Variants in LRRC7 observed in about 807,000 individuals in gnomAD.
LRRC7 encodes the protein leucine rich repeat containing 7.
A neutral mutation model predicts 175.7 loss-of-function variants in LRRC7; 23 were observed. That is an observed-to-expected ratio of 0.13 (90% CI 0.09 to 0.19). The LOEUF is 0.19. Among genes scored for constraint, LRRC7 ranks in the 10% least tolerant of loss-of-function variants. The pLI, the probability that LRRC7 is intolerant of heterozygous loss-of-function variation, is 1.00. For synonymous variants in LRRC7, 685 were observed against 680.9 expected (o/e 1.01, Z -0.09); for missense variants, 1,354 against 1,904.7 (o/e 0.71, Z 5.38).
chr1:69,638,711 C>A (rs888858831), intron 1 of LRRC7, among the ~76,000 whole-genome samples: 2 of 151,532 alleles, frequency 1.3e-5, no homozygotes, highest in African/African-American at 4.8e-5. Context: ...TTTTTTGGAA[C>A]CATAGAGATC....
At chr1:69,728,155 T>G (rs975344101) in intron 2 of LRRC7, among the ~76,000 whole-genome samples, 2 of 152,162 alleles carry the variant, frequency 1.3e-5, no homozygotes, top group African/African-American at 4.8e-5. Context: ...ATATTTAAGA[T>G]GTATTAGTGA....
intron 2 of LRRC7, among the ~76,000 whole-genome samples, chr1:69,705,045 C>A (rs1198400168): frequency 6.6e-6 from 1 of 152,044 alleles, no homozygotes; most frequent in Non-Finnish European, 1.5e-5. Flanking sequence ...AAAATTATTT[C>A]TGTAAAATGT....
intron 4 of LRRC7, among the ~76,000 whole-genome samples, chr1:69,800,913 T>C (rs539979679): frequency 4.6e-5 from 7 of 151,992 alleles, no homozygotes; most frequent in Non-Finnish European, 1.0e-4. Flanking sequence ...GTTCTTTCTA[T>C]GCCTAGTTTG....
chr1:69,932,042 G>A (rs923529920), intron 8 of LRRC7, among the ~76,000 whole-genome samples: 4 of 152,152 alleles, frequency 2.6e-5, no homozygotes, highest in African/African-American at 9.7e-5. Flanking sequence ...TATTGAAAGC[G>A]TCTTTCTAGT....
intron 8 of LRRC7, among the ~76,000 whole-genome samples, chr1:69,953,691 A>G (rs188279373): frequency 8.3e-4 from 126 of 152,142 alleles, no homozygotes; most frequent in Middle Eastern, 3.4e-3. Context: ...AACCAACTGC[A>G]CTAACTAGGA....
At chr1:69,824,964 T>C (rs1483893276) in intron 4 of LRRC7, among the ~76,000 whole-genome samples, 1 of 152,172 alleles carries the variant, frequency 6.6e-6, no homozygotes, top group Non-Finnish European at 1.5e-5. Context: ...GATTGAAATG[T>C]CCCCCACATC....
At chr1:69,791,356 A>T (rs1569895969) in intron 3 of LRRC7, among the ~76,000 whole-genome samples, 3 of 152,012 alleles carry the variant, frequency 2.0e-5, no homozygotes, top group African/African-American at 7.2e-5. Flanking sequence ...AATAATTCAC[A>T]CTTTAAAGAA....
chr1:70,099,789 A>G (rs916215664), intron 25 of LRRC7, among the ~76,000 whole-genome samples: 4 of 152,164 alleles, frequency 2.6e-5, no homozygotes, highest in African/African-American at 9.7e-5. Context: ...AGCTGAGAGA[A>G]AAAGCCATTA....
intron 17 of LRRC7, among the ~76,000 whole-genome samples, chr1:70,027,854 T>G (rs1348989361): frequency 1.3e-5 from 2 of 152,188 alleles, no homozygotes; most frequent in Non-Finnish European, 1.5e-5. Flanking sequence ...ACAGCTGCTA[T>G]AACTTGATTA....
intron 1 of LRRC7, among the ~76,000 whole-genome samples, chr1:69,599,055 A>G (rs991650973): frequency 6.6e-6 from 1 of 152,200 alleles, no homozygotes; most frequent in Non-Finnish European, 1.5e-5. Flanking sequence ...CCTATAAAGT[A>G]GAAAAAAGAA....
At chr1:69,590,120 T>C (rs1320958429) in intron 1 of LRRC7, among the ~76,000 whole-genome samples, 1 of 151,996 alleles carries the variant, frequency 6.6e-6, no homozygotes, top group East Asian at 1.9e-4. Flanking sequence ...CTGTTCATAA[T>C]ATTATTAGTA....
intron 24 of LRRC7, among the ~76,000 whole-genome samples, chr1:70,081,106 C>T (rs1663177970): frequency 6.6e-6 from 1 of 152,198 alleles, no homozygotes; most frequent in Non-Finnish European, 1.5e-5. Flanking sequence ...CTGCATGTGA[C>T]CTGGGCAATG....
chr1:69,773,611 G>C (rs1269915357), intron 3 of LRRC7, among the ~76,000 whole-genome samples: 1 of 152,112 alleles, frequency 6.6e-6, no homozygotes, highest in Non-Finnish European at 1.5e-5. Flanking sequence ...GATATCAAAG[G>C]CAAGTTCTCC....
chr1:69,730,418 T>A (rs1384696941), intron 2 of LRRC7, among the ~76,000 whole-genome samples: 1 of 152,132 alleles, frequency 6.6e-6, no homozygotes, highest in African/African-American at 2.4e-5. Flanking sequence ...CCCTAAATCA[T>A]CCCTCTCAAG....
In LRRC7 at chr1:69,865,469, C is replaced by CTTTTTTTTTTTTTTTTT. The variant is rs532063540; in HGVS notation, c.647+27195_647+27211dup. ...ATAAGCAAGCTGCTGAAGACAGTTCCTTTTTTTTTTTTTTTTTTTTTTTTT... is the reference window on the plus strand; with the variant it reads ...ATAAGCAAGCTGCTGAAGACAGTTCCTTTTTTTTTTTTTTTTTTTTTTTTTTTTTTTTTTTTTTTTTT... On this transcript the variant is annotated intron_variant, in intron 7 of 26. Transcript: ENST00000651989. Among the ~76,000 whole-genome samples the CTTTTTTTTTTTTTTTTT allele has an allele frequency of 1.1e-3, 54 of 51,266 alleles. 16 individuals carry two copies. Among genetic ancestry groups the CTTTTTTTTTTTTTTTTT allele is most frequent in the African/African-American group, 3.3e-3 (41 of 12,324 alleles). 33.6% of individuals were successfully genotyped at this position (51,266 alleles called of 152,430 possible).
At position 69,926,996 on chromosome 1, in the gene LRRC7, A is replaced by C. The variant is rs1022011760; in HGVS notation, c.648-4511A>C. On this transcript the variant is annotated intron_variant, in intron 7 of 26. Coordinates refer to ENST00000651989, the MANE Select transcript of LRRC7 (RefSeq NM_001370785.2). Reference sequence around the variant, plus strand: ...CTTCCTTCAGGAGGTCTTTTAGGACAGGCCTGGTGGTGACAAAATCTCTCA... The same window carrying C: ...CTTCCTTCAGGAGGTCTTTTAGGACCGGCCTGGTGGTGACAAAATCTCTCA... Among the ~76,000 whole-genome samples, 8 of 152,178 alleles carry C rather than the reference A, an allele frequency of 5.3e-5. No homozygotes were observed. In the East Asian group the frequency reaches 1.2e-3, roughly 22 times the overall value.
At chr1:69,649,817 G>A (rs1180495057) in intron 1 of LRRC7, among the ~76,000 whole-genome samples, 1 of 151,748 alleles carries the variant, frequency 6.6e-6, no homozygotes, top group African/African-American at 2.4e-5. Context: ...AACGGCTTAA[G>A]GGTGGTAAAG....
chr1:70,088,809 A>G (rs917974837), intron 24 of LRRC7, among the ~76,000 whole-genome samples: 1 of 151,990 alleles, frequency 6.6e-6, no homozygotes, highest in Non-Finnish European at 1.5e-5. Context: ...TGAGTTCTTG[A>G]TCTACAGTCT....
intron 1 of LRRC7, among the ~76,000 whole-genome samples, chr1:69,677,332 T>A (rs551263427): frequency 2.5e-4 from 33 of 130,518 alleles, no homozygotes; most frequent in Non-Finnish European, 4.9e-4. Flanking sequence ...TGATGGGCAG[T>A]TAGGTTGATT....
Sources: gnomAD v4.1 joint callset for allele counts (sites outside exome capture counted in the v4.1 genomes callset) on GRCh38, gnomAD v4.1.1 for gene constraint, MANE v1.5 for transcripts, NCBI Gene and HGNC (gene_info 2026-07-23, HGNC 2026-07-21) for gene names.